The following TFEC variants were observed in gnomAD, a reference collection of about 807,000 sequenced individuals.
TFEC encodes the protein class E basic helix-loop-helix protein 34.
TFEC carries 31 observed loss-of-function variants against 41.6 expected under a neutral mutation model. That is an observed-to-expected ratio of 0.74 (90% CI 0.56 to 1.01). The LOEUF is 1.01. TFEC is among the 50% of genes least tolerant of loss of function. The pLI, the probability that TFEC is intolerant of heterozygous loss-of-function variation, is 0.00. For synonymous variants in TFEC, 143 were observed against 140.6 expected (o/e 1.02, Z -0.12); for missense variants, 402 against 404.1 (o/e 0.99, Z 0.04).
intron 1 of TFEC, among the ~76,000 whole-genome samples, chr7:116,026,444 C>T (rs1383303378): frequency 1.3e-5 from 2 of 152,140 alleles, no homozygotes; most frequent in African/African-American, 2.4e-5. Flanking sequence ...GGTAGCATAC[C>T]TTATCCATCT....
At chr7:115,989,660 C>A (rs1206144526) in intron 1 of TFEC, among the ~76,000 whole-genome samples, 1 of 152,202 alleles carries the variant, frequency 6.6e-6, no homozygotes, top group African/African-American at 2.4e-5. Context: ...TGCAAGGCGG[C>A]AGCGAGGCTT....
chr7:116,112,293 T>C (rs1256079279), intron 1 of TFEC, among the ~76,000 whole-genome samples: 8 of 151,954 alleles, frequency 5.3e-5, no homozygotes, highest in Admixed American at 3.9e-4. Context: ...TACTAACAAT[T>C]ATTTCAAAGT....
Position 116,075,908 on chromosome 7 carries a change from G to A in TFEC, c.198+34800C>T, listed in dbSNP as rs146121772. On this transcript the variant is annotated intron_variant, in intron 3 of 8. Transcript: ENST00000484212. ...CCTAGGGCAAGTTTGCATCCTCCCTGTAACACCACAGCTAATGCGCTCTTG... is the reference window on the plus strand; with the variant it reads ...CCTAGGGCAAGTTTGCATCCTCCCTATAACACCACAGCTAATGCGCTCTTG... 3.9e-5 allele frequency among the ~76,000 whole-genome samples: 6 copies of A among 152,230 alleles called. No homozygotes were observed. In the East Asian group the frequency reaches 1.2e-3, roughly 29 times the overall value.
Position 115,940,423 on chromosome 7 carries a change from G to T in TFEC, c.*128C>A. On this transcript the variant is annotated 3_prime_UTR_variant, in exon 8 of 8. Coordinates refer to ENST00000265440, the MANE Select transcript of TFEC (RefSeq NM_012252.4). ...GCGAATTCTTCTGTTGCTTCTATCA[G>T]TTTTTCATGAACAACACATTCCTTT... 9.7e-7 allele frequency: 1 copy of T among 1,031,034 alleles called. No homozygotes were observed. The highest frequency in any genetic ancestry group is 1.3e-6 in the Non-Finnish European group (1 of 745,636). The allele number at this position is 1,031,034 out of a possible 1,614,324, so 63.9% of individuals were successfully genotyped here. A position where few individuals can be genotyped will look rare whatever the true frequency, so the allele number is the denominator to read the frequency against.
At chr7:115,951,971 T>C (rs1165950747) in intron 5 of TFEC, among the ~76,000 whole-genome samples, 1 of 151,990 alleles carries the variant, frequency 6.6e-6, no homozygotes, top group African/African-American at 2.4e-5. Context: ...GTTTAAAGCT[T>C]TTGGGGAAGT....
At chr7:116,032,692 G>T (rs554654303), upstream of TFEC, among the ~76,000 whole-genome samples, 13 of 152,190 alleles carry the variant, frequency 8.5e-5, no homozygotes, top group East Asian at 2.3e-3. Flanking sequence ...AGGGTGGAAG[G>T]CTGGAGGAGT....
In TFEC at chr7:115,941,914, C is replaced by A. The variant is rs756750174; in HGVS notation, c.642G>T (p.Arg214Ser). Reference protein sequence around the residue: ...HRQKKLEQANRRLLLRIQELE... With the variant: ...HRQKKLEQANSRLLLRIQELE... Reference sequence around the variant, plus strand: ...AAACCTGAATCCGAAGTAGAAGTCGCCTGTTAGCCTGCTCTAATTTCTTCT... The same window carrying A: ...AAACCTGAATCCGAAGTAGAAGTCGACTGTTAGCCTGCTCTAATTTCTTCT... Residue 214 changes from arginine (R) to serine (S), a missense_variant, in exon 7 of 8, where the codon AGG (arginine) becomes AGT (serine). By Grantham distance (110) the Arg-to-Ser change is moderately radical. Coordinates refer to ENST00000265440, the MANE Select transcript of TFEC (RefSeq NM_012252.4). 3 of 1,613,132 alleles carry A rather than the reference C, an allele frequency of 1.9e-6. No individual in the cohort carries two copies. The highest frequency in any genetic ancestry group is 3.3e-4 in the Middle Eastern group (2 of 6,050).
chr7:116,012,927 C>T (rs971661182), intron 1 of TFEC, among the ~76,000 whole-genome samples: 1 of 150,932 alleles, frequency 6.6e-6, no homozygotes, highest in African/African-American at 2.4e-5. Context: ...ATATGATCAT[C>T]AATTAATGAA....
intron 3 of TFEC, among the ~76,000 whole-genome samples, chr7:116,095,792 A>G (rs763617492): frequency 4.0e-5 from 6 of 151,568 alleles, no homozygotes; most frequent in Non-Finnish European, 8.8e-5. Flanking sequence ...TTTCTTGAAT[A>G]TCTCTTGCTT....
At chr7:115,994,244 A>G (rs1459799413) in intron 1 of TFEC, among the ~76,000 whole-genome samples, 4 of 152,216 alleles carry the variant, frequency 2.6e-5, no homozygotes, top group African/African-American at 4.8e-5. Context: ...ACCTAAAACC[A>G]TAAAAACCCT....
intron 6 of TFEC, among the ~76,000 whole-genome samples, chr7:115,943,230 A>G (rs571708411): frequency 6.6e-6 from 1 of 151,378 alleles, no homozygotes; most frequent in Non-Finnish European, 1.5e-5. Context: ...ACAGGGGGTG[A>G]GGGGAATGAG....
chr7:116,079,449 A>T (rs1242739548), intron 3 of TFEC, among the ~76,000 whole-genome samples: 2 of 152,146 alleles, frequency 1.3e-5, no homozygotes, highest in Non-Finnish European at 1.5e-5. Context: ...TCATCCAAAA[A>T]GCTCCTAGAA....
chr7:116,123,007 T>C (rs549634068), intron 1 of TFEC, among the ~76,000 whole-genome samples: 13 of 152,114 alleles, frequency 8.5e-5, no homozygotes, highest in African/African-American at 3.1e-4. Flanking sequence ...AATCCCCCCA[T>C]CTTACTTGAG....
intron 3 of TFEC, among the ~76,000 whole-genome samples, chr7:115,972,317 TATAAG>T (rs1484768552): frequency 6.6e-6 from 1 of 152,142 alleles, no homozygotes; most frequent in Non-Finnish European, 1.5e-5. Context: ...ACATGTAGTC[TATAAG>T]ATATCAATTA....
intron 7 of TFEC, 63 bp from the exon 8 acceptor site, chr7:115,940,994 A>G: frequency 2.1e-6 from 3 of 1,433,630 alleles, no homozygotes; most frequent in Non-Finnish European, 2.8e-6. Context: ...ACTAGAGAAT[A>G]AGCCAGACAT....
intron 3 of TFEC, among the ~76,000 whole-genome samples, chr7:116,108,837 T>C (rs975856838): frequency 6.6e-6 from 1 of 152,166 alleles, no homozygotes. Flanking sequence ...TTGGCATAAC[T>C]ATTATCTTTC....
rs143170247 is a variant in TFEC at position 115,965,478 on chromosome 7, G to A, written c.268-8685C>T. 4.2e-3 allele frequency among the ~76,000 whole-genome samples: 639 copies of A among 151,668 alleles called. 6 individuals carry two copies. The highest frequency in any genetic ancestry group is 0.014 in the African/African-American group (585 of 41,456). ...TTGCTTACTGTTAGGATAAGGAATC[G>A]TGTGCATTTGTCTCACATTTTATCA... On this transcript the variant is annotated intron_variant, in intron 3 of 7. Transcript: ENST00000265440.
chr7:115,995,110 C>T (rs1471161073), intron 1 of TFEC, among the ~76,000 whole-genome samples: 1 of 150,500 alleles, frequency 6.6e-6, no homozygotes, highest in Non-Finnish European at 1.5e-5. Flanking sequence ...GAAAACCAAA[C>T]ACCACATGTT....
intron 6 of TFEC, among the ~76,000 whole-genome samples, chr7:115,945,901 C>T (rs960316116): frequency 7.9e-5 from 12 of 151,672 alleles, no homozygotes; most frequent in African/African-American, 2.9e-4. Flanking sequence ...TGCTTTCATG[C>T]TACAATGCCA....
Sources: gnomAD v4.1 joint callset for allele counts (sites outside exome capture counted in the v4.1 genomes callset) on GRCh38, gnomAD v4.1.1 for gene constraint, MANE v1.5 for transcripts, NCBI Gene and HGNC (gene_info 2026-07-23, HGNC 2026-07-21) for gene names.